Variants in MIA2 observed in about 807,000 individuals in gnomAD.
The protein encoded by MIA2 is melanoma inhibitory activity protein 2.
Under a neutral mutation model 167.8 loss-of-function variants are expected in MIA2, and 127 were observed. The observed-to-expected ratio is 0.76, with a 90% CI of 0.66 to 0.88. The LOEUF is 0.88. Among genes scored for constraint, MIA2 ranks in the 40% least tolerant of loss-of-function variants. The probability of loss-of-function intolerance (pLI) is 0.00; values close to 1 mark genes in which losing one functional copy is unlikely to be tolerated. For synonymous variants in MIA2, 552 were observed against 541.9 expected (o/e 1.02, Z -0.26); for missense variants, 1,690 against 1,624.7 (o/e 1.04, Z -0.69).
intron 25 of MIA2, among the ~76,000 whole-genome samples, chr14:39,332,445 A>C (rs778943605): frequency 4.3e-4 from 66 of 152,138 alleles, no homozygotes; most frequent in Non-Finnish European, 8.5e-4. Flanking sequence ...ACTTCTGTCC[A>C]TTTGTCGAAC....
rs1464084893 is a variant in MIA2, at chr14:39,301,003, TATATACAC to T, written c.2619+1023_2619+1030del. ...ATATACATATATACACATATATACA[TATATACAC>T]ATATATACACACATATATACATATA... On this transcript the variant is annotated intron_variant, in intron 14 of 28. Transcript: ENST00000640607. Among the ~76,000 whole-genome samples the T allele has an allele frequency of 4.0e-3, 574 of 144,928 alleles. 5 individuals are homozygous for T. The highest frequency in any genetic ancestry group is 0.014 in the African/African-American group (503 of 37,244).
chr14:39,364,364 CA>C (rs372182927), intron 23 of MIA2, among the ~76,000 whole-genome samples: 5,615 of 142,368 alleles, frequency 0.039, 339 homozygotes, highest in African/African-American at 0.13. Context: ...GCAAGACTCT[CA>C]AAAAAAAAAA....
chr14:39,235,248 C>G (rs889861017), intron 1 of MIA2, among the ~76,000 whole-genome samples: 7 of 152,046 alleles, frequency 4.6e-5, no homozygotes, highest in African/African-American at 1.7e-4. Flanking sequence ...GTTGCCCAGC[C>G]TGAGCTCAGG....
intron 23 of MIA2, chr14:39,386,294 G>A: frequency 6.8e-7 from 1 of 1,470,818 alleles, no homozygotes; most frequent in East Asian, 2.3e-5. Context: ...GGAATTTCTG[G>A]CCTCCAAAGT....
chr14:39,251,752 T>C (rs760648024), intron 4 of MIA2, among the ~76,000 whole-genome samples: 1 of 152,178 alleles, frequency 6.6e-6, no homozygotes, highest in Non-Finnish European at 1.5e-5. Flanking sequence ...GGGACTTTCA[T>C]CTTTTAAACA....
chr14:39,293,444 A>C, intron 11 of MIA2, 63 bp downstream of exon 11: 1 of 1,095,406 alleles, frequency 9.1e-7, no homozygotes, highest in Non-Finnish European at 1.3e-6. Context: ...TAAAAAATTA[A>C]TATGATACTG....
intron 17 of MIA2, 73 bp downstream of exon 17, chr14:39,304,454 G>C: frequency 3.7e-6 from 3 of 807,852 alleles, no homozygotes; most frequent in Non-Finnish European, 5.8e-6. Context: ...TGGTAAAAAT[G>C]AATTGAATTA....
intron 17 of MIA2, among the ~76,000 whole-genome samples, chr14:39,307,390 A>ATTTTTTTTTTT (rs373046158): frequency 4.4e-5 from 3 of 67,484 alleles, no homozygotes; most frequent in African/African-American, 1.5e-4. Flanking sequence ...AGTTAAAAGA[A>ATTTTTTTTTTT]TTTTTTTTTT....
intron 25 of MIA2, 150 bp from the exon 26 acceptor site, chr14:39,345,754 T>C (rs959143372): frequency 1.9e-5 from 11 of 583,778 alleles, no homozygotes; most frequent in African/African-American, 7.5e-5. Flanking sequence ...AATATGCAAT[T>C]CTTCTGAAAT....
chr14:39,311,001 G>A (rs1025267884), intron 18 of MIA2, among the ~76,000 whole-genome samples: 3 of 152,142 alleles, frequency 2.0e-5, no homozygotes, highest in Admixed American at 6.6e-5. Flanking sequence ...TGAGGTGAAA[G>A]AAATATTTTT....
At chr14:39,346,971 C>T in intron 26 of MIA2, 1 of 260,878 alleles carries the variant, frequency 3.8e-6, no homozygotes, top group Non-Finnish European at 7.6e-6. Flanking sequence ...TCTCTGTTGC[C>T]CAGACTGGAG....
intron 25 of MIA2, among the ~76,000 whole-genome samples, chr14:39,344,733 A>G (rs1440330111): frequency 6.6e-6 from 1 of 152,162 alleles, no homozygotes; most frequent in Non-Finnish European, 1.5e-5. Context: ...AAAGTTACAC[A>G]ATTCACCTTC....
chr14:39,353,053 C>A (rs1339143372), downstream of MIA2, among the ~76,000 whole-genome samples: 3 of 152,052 alleles, frequency 2.0e-5, no homozygotes, highest in Non-Finnish European at 4.4e-5. Flanking sequence ...TCCACTGATT[C>A]TTTTTCTTTT....
intron 6 of MIA2, among the ~76,000 whole-genome samples, chr14:39,259,397 C>T (rs1187967473): frequency 6.6e-6 from 1 of 152,232 alleles, no homozygotes; most frequent in African/African-American, 2.4e-5. Context: ...CCTGATTCAA[C>T]AATGGAAAGA....
intron 24 of MIA2, among the ~76,000 whole-genome samples, chr14:39,323,315 C>T (rs2066827508): frequency 6.6e-6 from 1 of 152,014 alleles, no homozygotes; most frequent in African/African-American, 2.4e-5. Context: ...ACTGGAAGCT[C>T]CTAGGGAAAG....
chr14:39,294,020 G>T lies in MIA2; in HGVS notation c.2340G>T (p.Arg780Ser), dbSNP rs141828907. The T allele has an allele frequency of 7.4e-4, 1,193 of 1,611,338 alleles. 6 individuals carry two copies. Among genetic ancestry groups the T allele is most frequent in the Middle Eastern group, 2.6e-3 (16 of 6,046 alleles). ...QDELMADISKRIQSLEDESKS... is the reference protein window; with the variant it reads ...QDELMADISKSIQSLEDESKS... ...TCTAGATGGCGGATATTTCAAAAAG[G>T]ATACAGTCTCTAGAAGATGAGTCAA... Residue 780 changes from arginine (R) to serine (S), a missense_variant, in exon 12 of 29, where the codon AGG becomes AGT. Transcript: ENST00000640607.
intron 3 of MIA2, among the ~76,000 whole-genome samples, chr14:39,243,059 G>T (rs999684489): frequency 2.0e-5 from 3 of 150,410 alleles, no homozygotes; most frequent in Non-Finnish European, 2.9e-5. Flanking sequence ...GAAGGCGGAG[G>T]TTACAGTGAG....
chr14:39,372,866 C>G (rs1383355172), intron 23 of MIA2, among the ~76,000 whole-genome samples: 1 of 152,130 alleles, frequency 6.6e-6, no homozygotes, highest in Non-Finnish European at 1.5e-5. Context: ...CTAGTTGTGA[C>G]TCACAGCTTG....
chr14:39,267,259 G>T (rs2055952124), intron 6 of MIA2: 2 of 1,419,900 alleles, frequency 1.4e-6, no homozygotes, highest in East Asian at 5.2e-5. Flanking sequence ...TAACAAGAGG[G>T]TCGGGATGGG....
Sources: allele counts gnomAD v4.1 joint callset (sites outside exome capture counted in the v4.1 genomes callset), GRCh38; gene constraint gnomAD v4.1.1; transcripts MANE v1.5; gene names NCBI Gene and HGNC (gene_info 2026-07-23, HGNC 2026-07-21).